Variants in GNG5 observed in about 807,000 individuals in gnomAD.
GNG5 encodes the protein G protein subunit gamma 5, also known as guanine nucleotide-binding protein G(I)/G(S)/G(O) subunit gamma-5.
Under a neutral mutation model 6.2 loss-of-function variants are expected in GNG5, and 2 were observed. That is an observed-to-expected ratio of 0.32 (90% CI 0.13 to 1.01). The LOEUF is 1.01. Among genes scored for constraint, GNG5 ranks in the 50% least tolerant of loss-of-function variants. The pLI is 0.48. For missense variants in GNG5, 57 were observed against 80.2 expected (o/e 0.71, Z 1.10); for synonymous variants, 24 against 33.0 (o/e 0.73, Z 0.93).
At position 84,502,065 on chromosome 1, in the gene GNG5, C is replaced by G; in HGVS notation, c.82-95G>C. 3 of 802,692 alleles carry G rather than the reference C, an allele frequency of 3.7e-6. No homozygotes were observed. The South Asian group carries it at 5.1e-5, about 14-fold the overall frequency. The allele number at this position is 802,692 out of a possible 1,614,324, so 49.7% of individuals were successfully genotyped here. ...TGGAAATATTGTACTTACAATAAAA[C>G]AGTACTTCTCTTGCTTCAAAAGAAG... On this transcript the variant is annotated intron_variant, in intron 2 of 3. Transcript: ENST00000370645.
chr1:84,505,930 G>A (rs1273834993), intron 2 of GNG5, 81 bp downstream of exon 2: 3 of 987,760 alleles, frequency 3.0e-6, no homozygotes, highest in Non-Finnish European at 4.1e-6. Flanking sequence ...CGCGTGTCCC[G>A]CCCGCCCCCG....
At chr1:84,502,943 T>C (rs1446750922) in intron 2 of GNG5, among the ~76,000 whole-genome samples, 4 of 152,254 alleles carry the variant, frequency 2.6e-5, no homozygotes, top group African/African-American at 7.2e-5. Flanking sequence ...CATAAAGCCA[T>C]TGAAGTTCCT....
In GNG5 at chr1:84,506,253, G is replaced by A; in HGVS notation, c.-162C>T. ...GGCTCCACCCTCGGTGCGCATGCGCGCCTTGCCAGCCCTCTGTTCCAGCTC... is the reference window on the plus strand; with the variant it reads ...GGCTCCACCCTCGGTGCGCATGCGCACCTTGCCAGCCCTCTGTTCCAGCTC... On this transcript the variant is annotated 5_prime_UTR_variant, in exon 2 of 4. Transcript: ENST00000370645. The A allele has an allele frequency of 2.0e-6, 1 of 493,460 alleles. No individual in the cohort carries two copies. 30.6% of individuals were successfully genotyped at this position (493,460 alleles called of 1,614,324 possible). A position where few individuals can be genotyped will look rare whatever the true frequency, so the allele number is the denominator to read the frequency against.
At chr1:84,506,364 C>T (rs1012126327) in intron 1 of GNG5, 63 bp from the exon 2 acceptor site, 7 of 332,018 alleles carry the variant, frequency 2.1e-5, no homozygotes, top group Non-Finnish European at 3.9e-5. Flanking sequence ...TGGAGGCTAG[C>T]GCGACCCGAC....
Position 84,501,817 on chromosome 1 carries a change from G to A in GNG5, c.*19+9C>T. 6.3e-7 allele frequency: 1 copy of A among 1,577,700 alleles called. No individual in the cohort carries two copies. The highest frequency in any genetic ancestry group is 1.1e-5 in the South Asian group (1 of 89,872). ...TGTGGGTTTTTGTTTTAAATTTAAG[G>A]AAACTTACCTTTGAAAGATTCATTT... On this transcript the variant is annotated intron_variant, in intron 3 of 3. Coordinates refer to ENST00000370645, the MANE Select transcript of GNG5 (RefSeq NM_005274.3).
chr1:84,505,701 C>G (rs961547259), intron 2 of GNG5, among the ~76,000 whole-genome samples: 1 of 152,308 alleles, frequency 6.6e-6, no homozygotes, highest in South Asian at 2.1e-4. Context: ...TGAGACCAGC[C>G]GAGAAGGCTG....
At chr1:84,501,791 G>A (rs1007303271) in intron 3 of GNG5, 35 bp downstream of exon 3, 6 of 1,321,186 alleles carry the variant, frequency 4.5e-6, no homozygotes, top group Non-Finnish European at 1.1e-6. Flanking sequence ...TATTCCTACA[G>A]TGTGGGTTTT....
At chr1:84,504,723 G>T (rs568259837) in intron 2 of GNG5, among the ~76,000 whole-genome samples, 5 of 150,470 alleles carry the variant, frequency 3.3e-5, no homozygotes, top group African/African-American at 7.3e-5. Flanking sequence ...ACTGCAGTGA[G>T]GTCTACAGCA....
chr1:84,506,311 G>T lies in GNG5; in HGVS notation c.-210-10C>A. The T allele has an allele frequency of 2.4e-6, 1 of 409,880 alleles. No individual in the cohort carries two copies. The highest frequency in any genetic ancestry group is 4.4e-6 in the Non-Finnish European group (1 of 228,514). 25.4% of individuals were successfully genotyped at this position (409,880 alleles called of 1,614,324 possible). A position where few individuals can be genotyped will look rare whatever the true frequency, so the allele number is the denominator to read the frequency against. On this transcript the variant is annotated splice_polypyrimidine_tract_variant and intron_variant, in intron 1 of 3. Transcript: ENST00000370645. ...GGCCCCGAGCGCGAGCCTGGAGGAG[G>T]GGGAGGAGAAGGGGCGGAGCAGTCG...
In GNG5 at chr1:84,506,224, C is replaced by T. The variant is rs1042463222; in HGVS notation, c.-133G>A. 4.8e-5 allele frequency: 30 copies of T among 621,480 alleles called. 1 individual carries two copies. In the Middle Eastern group the frequency reaches 1.4e-3, roughly 28 times the overall value. The allele number at this position is 621,480 out of a possible 1,614,324, so 38.5% of individuals were successfully genotyped here. On this transcript the variant is annotated 5_prime_UTR_variant, in exon 2 of 4. Transcript: ENST00000370645. ...GTCTCTAAGTTTCCGGTTCTGTGCT[C>T]AGCGGCTCCACCCTCGGTGCGCATG... is the stretch of plus-strand genomic sequence containing the variant.
rs1682204453 is a variant in GNG5 at position 84,506,039 on chromosome 1, C to T, written c.53G>A (p.Arg18Gln). The T allele has an allele frequency of 6.4e-7, 1 of 1,574,062 alleles. No homozygotes were observed. Among genetic ancestry groups the T allele is most frequent in the African/African-American group, 1.4e-5 (1 of 71,302 alleles). The change falls in exon 2 of 4, where the codon CGG (arginine) becomes CAG (glutamine). Residue 18 changes from arginine to glutamine, a missense_variant. Physicochemically the swap from Arg to Gln is conservative, Grantham distance 43. Transcript: ENST00000370645. The part of the protein sequence containing the change: ...AAMKKVVQQL[R>Q]LEAGLNRVKV... ...TACGCGGTTGAGTCCGGCCTCCAGC[C>T]GGAGCTGTTGAACCACTTTCTTCAT...
intron 1 of GNG5, 59 bp downstream of exon 1, chr1:84,506,377 T>C: frequency 3.4e-6 from 1 of 294,166 alleles, no homozygotes; most frequent in Non-Finnish European, 6.4e-6. Flanking sequence ...GACCCGACTC[T>C]TAAGTTTTCT....
chr1:84,500,699 C>G (rs1370034123), intron 3 of GNG5, among the ~76,000 whole-genome samples: 1 of 152,044 alleles, frequency 6.6e-6, no homozygotes, highest in Non-Finnish European at 1.5e-5. Context: ...GGCTTTTTTT[C>G]CCCCTGGTAT....
In GNG5 at chr1:84,498,379, A is replaced by G. The variant is rs1334292208; in HGVS notation, c.*189T>C. 1 of 152,662 alleles carries G rather than the reference A, an allele frequency of 6.6e-6. No homozygotes were observed. Among genetic ancestry groups the G allele is most frequent in the Non-Finnish European group, 1.5e-5 (1 of 68,022 alleles). 9.5% of individuals were successfully genotyped at this position (152,662 alleles called of 1,614,324 possible). The stretch of plus-strand genomic sequence containing the variant: ...TGCTGCCAGTGTATATAAAACAATT[A>G]CCCTTGTGAAATAGAAATTCATGAA... On this transcript the variant is annotated 3_prime_UTR_variant, in exon 4 of 4. Transcript: ENST00000370645.
chr1:84,504,111 T>C (rs1411388057), intron 2 of GNG5, among the ~76,000 whole-genome samples: 1 of 152,240 alleles, frequency 6.6e-6, no homozygotes, highest in Non-Finnish European at 1.5e-5. Context: ...TATGACAGTT[T>C]GTCAAGCACT....
intron 2 of GNG5, 90 bp from the exon 3 acceptor site, chr1:84,502,060 T>A (rs1682067751): frequency 1.1e-6 from 1 of 901,204 alleles, no homozygotes; most frequent in African/African-American, 1.7e-5. Flanking sequence ...GTACTTACAA[T>A]AAAACAGTAC....
In GNG5 at chr1:84,501,864, T is replaced by C; in HGVS notation, c.188A>G (p.Lys63Arg). Residue 63 changes from lysine (K) to arginine (R), a missense_variant, in exon 3 of 4, where the codon AAA becomes AGA. Transcript: ENST00000370645. Reference protein sequence around the residue: ...SSSTNPFRPQKVCSFL With the variant: ...SSSTNPFRPQRVCSFL ...ATTTTACTACAAAAAGGAACAGACT[T>C]TCTGGGGTCTGAAGGGATTTGTACT... 1 of 1,610,526 alleles carries C rather than the reference T, an allele frequency of 6.2e-7. No homozygotes were observed. The highest frequency in any genetic ancestry group is 8.5e-7 in the Non-Finnish European group (1 of 1,176,932).
intron 2 of GNG5, 83 bp from the exon 3 acceptor site, chr1:84,502,053 C>T (rs1682067621): frequency 1.0e-6 from 1 of 1,000,888 alleles, no homozygotes; most frequent in Non-Finnish European, 1.5e-6. Flanking sequence ...AAATATTGTA[C>T]TTACAATAAA....
intron 2 of GNG5, 72 bp downstream of exon 2, chr1:84,505,939 C>G (rs936007961): frequency 1.8e-6 from 2 of 1,111,850 alleles, no homozygotes; most frequent in Admixed American, 4.1e-5. Flanking sequence ...CGCCCGCCCC[C>G]GCCAGCTGGG....
Sources: allele counts gnomAD v4.1 joint callset (sites outside exome capture counted in the v4.1 genomes callset), GRCh38; gene constraint gnomAD v4.1.1; transcripts MANE v1.5; gene names NCBI Gene and HGNC (gene_info 2026-07-23, HGNC 2026-07-21).